Variants in RFC5 observed in about 807,000 individuals in gnomAD.
RFC5 encodes A1 36 kDa subunit.
In RFC5, 26 loss-of-function variants were observed where a neutral mutation model predicts 44.3. The ratio of observed to expected loss-of-function variants is 0.59; its 90% confidence interval spans 0.43 to 0.81. The LOEUF (loss-of-function observed/expected upper bound fraction) is 0.81, where lower values mean the gene tolerates loss of function less well. RFC5 is among the 40% of genes least tolerant of loss of function. RFC5 has a pLI of 0.00. For missense variants in RFC5, 328 were observed against 418.6 expected (o/e 0.78, Z 1.89); for synonymous variants, 155 against 155.2 (o/e 1.00, Z 0.01).
At chr12:118,025,509 T>C in intron 6 of RFC5, 1 of 463,460 alleles carries the variant, frequency 2.2e-6, no homozygotes, top group Non-Finnish European at 3.9e-6. Flanking sequence ...CATGGGAGAA[T>C]GCTTGTTCCT....
rs1593446087 is a variant in RFC5 at position 118,024,907 on chromosome 12, A to G, written c.478A>G (p.Lys160Glu). 1 of 1,613,876 alleles carries G rather than the reference A, an allele frequency of 6.2e-7. No individual in the cohort carries two copies. The highest frequency in any genetic ancestry group is 8.5e-7 in the Non-Finnish European group (1 of 1,179,776). The part of the protein sequence containing the change: ...RFCLICNYLS[K>E]IIPALQSRCT... ...CTGCCTCATCTGTAACTATCTGTCA[A>G]AGATCATCCCTGCCTTGCAGTCCCG... is the stretch of plus-strand genomic sequence containing the variant. Residue 160 changes from lysine to glutamate, a missense_variant, in exon 6 of 11, where the codon AAG (lysine) becomes GAG (glutamate). Lys to Glu is a moderately conservative substitution (Grantham distance 56). Transcript: ENST00000454402.
chr12:118,031,160 C>T (rs1315836380), intron 10 of RFC5, 22 bp from the exon 11 acceptor site: 1 of 1,567,896 alleles, frequency 6.4e-7, no homozygotes, highest in Non-Finnish European at 8.8e-7. Context: ...TTTTTTCTTA[C>T]CCTGTGTTTG....
At chr12:118,027,384 C>T in intron 8 of RFC5, 1 of 190,214 alleles carries the variant, frequency 5.3e-6, no homozygotes, top group Non-Finnish European at 1.1e-5. Context: ...TTTGGAAATG[C>T]ATTTGGGGCT....
chr12:118,035,948 A>G (rs1177375273), downstream of RFC5: 3 of 168,048 alleles, frequency 1.8e-5, no homozygotes, highest in Admixed American at 1.1e-4. Context: ...GCTCATGCCT[A>G]TAATAGCAGT....
At chr12:118,022,150 C>T in intron 4 of RFC5, 136 bp from the exon 5 acceptor site, 1 of 680,414 alleles carries the variant, frequency 1.5e-6, no homozygotes, top group Non-Finnish European at 2.6e-6. Flanking sequence ...CCAAAGATGT[C>T]TGCCTTGGCC....
At position 118,030,542 on chromosome 12, in the gene RFC5, C is replaced by T. The variant is rs903467355; in HGVS notation, c.927-640C>T. On this transcript the variant is annotated intron_variant, in intron 10 of 10. Coordinates refer to ENST00000454402, the MANE Select transcript of RFC5 (RefSeq NM_007370.7). Reference sequence around the variant, plus strand: ...AATCTCTGTTTTGTTTCCCTCTTAACGTATTTTGCCGACGAAATAATCCTT... The same window carrying T: ...AATCTCTGTTTTGTTTCCCTCTTAATGTATTTTGCCGACGAAATAATCCTT... 7.2e-5 allele frequency among the ~76,000 whole-genome samples: 11 copies of T among 152,288 alleles called. No homozygotes were observed. In the East Asian group the frequency reaches 1.9e-3, roughly 27 times the overall value.
downstream of RFC5, chr12:118,032,278 T>C (rs2031365614): frequency 6.6e-6 from 1 of 152,210 alleles, no homozygotes; most frequent in African/African-American, 2.4e-5. Flanking sequence ...AAAGTCACTA[T>C]TCCCTTTGTT....
Position 118,019,471 on chromosome 12 carries a change from T to C in RFC5, c.131-161T>C, listed in dbSNP as rs2030335028. On this transcript the variant is annotated intron_variant, in intron 2 of 10. Transcript: ENST00000454402. The surrounding 1 kb of genome is among the most constrained non-coding windows in gnomAD (Gnocchi z 4.2). ...GCTGCGCTATTGAGTGAATTCCAGTTGTTCCACGAAAGTAGATATGAGGCC... is the reference window on the plus strand; with the variant it reads ...GCTGCGCTATTGAGTGAATTCCAGTCGTTCCACGAAAGTAGATATGAGGCC... Among the ~76,000 whole-genome samples, 1 of 152,190 alleles carries C rather than the reference T, an allele frequency of 6.6e-6. No homozygotes were observed. Among genetic ancestry groups the C allele is most frequent in the Non-Finnish European group, 1.5e-5 (1 of 68,036 alleles).
intron 5 of RFC5, among the ~76,000 whole-genome samples, chr12:118,024,167 C>T (rs567869153): frequency 6.6e-6 from 1 of 151,930 alleles, no homozygotes; most frequent in Non-Finnish European, 1.5e-5. Context: ...TGGTGAAACC[C>T]CGTCTCTACT....
In RFC5 at chr12:118,017,021, G is replaced by A. The variant is rs576592949; in HGVS notation, c.65+129G>A. On this transcript the variant is annotated intron_variant, in intron 1 of 10. Coordinates refer to ENST00000454402, the MANE Select transcript of RFC5 (RefSeq NM_007370.7). ...CCCGTCGTCTCCAGGCCTGCAGCCG[G>A]GACCGACCTGCAGAGGTTTCCCCCG... The A allele has an allele frequency of 1.7e-3, 1,286 of 748,404 alleles. 3 individuals are homozygous for A. Among genetic ancestry groups the A allele is most frequent in the Admixed American group, 3.2e-3 (154 of 47,486 alleles). 46.4% of individuals were successfully genotyped at this position (748,404 alleles called of 1,614,324 possible). A position where few individuals can be genotyped will look rare whatever the true frequency, so the allele number is the denominator to read the frequency against.
the RFC5 span, among the ~76,000 whole-genome samples, chr12:118,039,847 G>A: frequency 6.1e-4 from 92 of 151,516 alleles, no homozygotes; most frequent in Non-Finnish European, 1.1e-3. Flanking sequence ...GGGTTCAAGC[G>A]ATTCTCCTGC....
At chr12:118,031,034 T>C in intron 10 of RFC5, 148 bp from the exon 11 acceptor site, 1 of 590,758 alleles carries the variant, frequency 1.7e-6, no homozygotes, top group South Asian at 2.1e-5. Context: ...GGGGGACACA[T>C]ACAAGATTGC....
downstream of RFC5, chr12:118,034,051 TG>T: frequency 9.0e-7 from 1 of 1,113,324 alleles, no homozygotes; most frequent in Non-Finnish European, 1.3e-6. Flanking sequence ...ACTAGTACAC[TG>T]GAATCTGGTT....
In RFC5 at chr12:118,032,051, A is replaced by G. The variant is rs1455449383; in HGVS notation, c.*773A>G. 2 of 152,214 alleles carry G rather than the reference A, an allele frequency of 1.3e-5. No homozygotes were observed. The highest frequency in any genetic ancestry group is 2.4e-5 in the African/African-American group (1 of 41,448). The allele number at this position is 152,214 out of a possible 1,614,324, so 9.4% of individuals were successfully genotyped here. A position where few individuals can be genotyped will look rare whatever the true frequency, so the allele number is the denominator to read the frequency against. ...CAAATTTCACATTTATTTTACAGCA[A>G]TCATGCTGCATTTGTGTTAGTGTTC... On this transcript the variant is annotated 3_prime_UTR_variant, in exon 11 of 11. Coordinates refer to ENST00000454402, the MANE Select transcript of RFC5 (RefSeq NM_007370.7).
downstream of RFC5, chr12:118,034,765 G>C (rs897485029): frequency 4.5e-5 from 25 of 561,500 alleles, no homozygotes; most frequent in Non-Finnish European, 1.9e-5. Flanking sequence ...GGCCCATTAG[G>C]TGGCATGACT....
At chr12:118,033,889 G>GTAAC (rs2031437539), downstream of RFC5, 1 of 344,444 alleles carries the variant, frequency 2.9e-6, no homozygotes, top group South Asian at 3.3e-5. Flanking sequence ...AACAACATCA[G>GTAAC]TAACTGCACT....
At chr12:118,025,378 T>C in intron 6 of RFC5, 1 of 319,282 alleles carries the variant, frequency 3.1e-6, no homozygotes, top group Non-Finnish European at 5.8e-6. Context: ...TGTAGTCAGA[T>C]GCCAAGCAAG....
rs776693502 is a variant in RFC5, at chr12:118,031,212, G to C, written c.957G>C (p.Lys319Asn). Residue 319 changes from lysine (K) to asparagine (N), a missense_variant, in exon 11 of 11, where the codon AAG becomes AAC. Transcript: ENST00000454402. ...GGCTTTCTGTTGGCACCAACGAGAA[G>C]ATCCAGCTGAGCTCCCTCATTGCTG... ...EYRLSVGTNE[K>N]IQLSSLIAAF... is the part of the protein sequence containing the mutation. The C allele has an allele frequency of 5.0e-6, 8 of 1,614,048 alleles. No homozygotes were observed. Among genetic ancestry groups the C allele is most frequent in the South Asian group, 1.1e-5 (1 of 91,056 alleles).
chr12:118,035,701 G>A (rs530233009), downstream of RFC5: 2 of 187,094 alleles, frequency 1.1e-5, no homozygotes, highest in South Asian at 2.3e-4. Flanking sequence ...GACCAAGTTT[G>A]TGAGAACATG....
Sources: gnomAD v4.1 joint callset for allele counts (sites outside exome capture counted in the v4.1 genomes callset) on GRCh38, gnomAD v4.1.1 for gene constraint, Gnocchi (gnomAD v3.1) non-coding constraint, MANE v1.5 for transcripts, NCBI Gene and HGNC (gene_info 2026-07-23, HGNC 2026-07-21) for gene names.